Variants in ASXL1 observed in about 807,000 individuals in gnomAD.
ASXL1 encodes the protein ASXL transcriptional regulator 1.
Under a neutral mutation model 89.1 loss-of-function variants are expected in ASXL1, and 65 were observed. That is an observed-to-expected ratio of 0.73 (90% CI 0.60 to 0.90). The LOEUF (loss-of-function observed/expected upper bound fraction) is 0.90, where lower values mean the gene tolerates loss of function less well. Ranked by LOEUF, ASXL1 falls within the 40% of genes least tolerant of loss-of-function variation. ASXL1 has a pLI of 0.00. For synonymous variants in ASXL1, 739 were observed against 746.9 expected, an observed-to-expected ratio of 0.99 and a Z score of 0.17; for missense variants, 1,786 against 1,942.9, an observed-to-expected ratio of 0.92 and a Z score of 1.52.
At chr20:32,384,213 T>G (rs1425959324) in intron 4 of ASXL1, among the ~76,000 whole-genome samples, 2 of 141,672 alleles carry the variant, frequency 1.4e-5, no homozygotes, top group African/African-American at 2.8e-5. Context: ...TTTTTTTTTT[T>G]TTTTTTTTTT....
Position 32,437,544 on chromosome 20 carries a change from T to A in ASXL1, c.*206T>A. ...GAGGGGTTTCCTGGGTATAACCCAT[T>A]GGGCTGCCCAAGGCCAGCCAGCCTG... is the stretch of plus-strand genomic sequence containing the variant. On this transcript the variant is annotated 3_prime_UTR_variant, in exon 13 of 13. Coordinates refer to ENST00000375687, the MANE Select transcript of ASXL1 (RefSeq NM_015338.6). The A allele has an allele frequency of 1.4e-6, 1 of 734,232 alleles. No homozygotes were observed. The highest frequency in any genetic ancestry group is 2.1e-6 in the Non-Finnish European group (1 of 469,932). The allele number at this position is 734,232 out of a possible 1,614,324, so 45.5% of individuals were successfully genotyped here.
chr20:32,366,536 A>G, intron 2 of ASXL1, 70 bp downstream of exon 2: 4 of 1,610,920 alleles, frequency 2.5e-6, no homozygotes, highest in East Asian at 2.2e-5. Flanking sequence ...TTGTAGTGAT[A>G]TGAGTAAGTA....
chr20:32,374,321 C>G (rs987102023), intron 4 of ASXL1, among the ~76,000 whole-genome samples: 15 of 152,078 alleles, frequency 9.9e-5, no homozygotes, highest in Admixed American at 9.2e-4. Context: ...TACAGGGTCT[C>G]GCTCTGTGGC....
chr20:32,425,923 T>C (rs2011266952), intron 4 of ASXL1, among the ~76,000 whole-genome samples: 2 of 152,218 alleles, frequency 1.3e-5, no homozygotes, highest in African/African-American at 4.8e-5. Flanking sequence ...CAGGCTTGTC[T>C]TGAACCCCTG....
Position 32,429,696 on chromosome 20 carries a change from A to T in ASXL1, c.566-205A>T. 1.3e-6 allele frequency: 1 copy of T among 745,828 alleles called. No homozygotes were observed. The highest frequency in any genetic ancestry group is 2.1e-6 in the Non-Finnish European group (1 of 465,920). The allele number at this position is 745,828 out of a possible 1,614,324, so 46.2% of individuals were successfully genotyped here. ...TTTGTAAAAGGTGTAGTGCTATACA[A>T]ATAAAGATGGCAGTTTGGCACCTGT... On this transcript the variant is annotated intron_variant, in intron 7 of 12. Transcript: ENST00000375687. The surrounding 1 kb of genome is among the most constrained non-coding windows in gnomAD (Gnocchi z 4.9).
At chr20:32,406,412 G>A (rs561624418) in intron 4 of ASXL1, among the ~76,000 whole-genome samples, 3 of 151,946 alleles carry the variant, frequency 2.0e-5, no homozygotes, top group Non-Finnish European at 4.4e-5. Context: ...TTAGCCAGGT[G>A]TGGTGGCACA....
intron 4 of ASXL1, among the ~76,000 whole-genome samples, chr20:32,370,886 C>T (rs2048289575): frequency 6.8e-6 from 1 of 147,978 alleles, no homozygotes; most frequent in South Asian, 2.1e-4. Context: ...TGTGGTGGCT[C>T]ATGCCTGTAA....
At chr20:32,362,509 G>A (rs1031967608) in intron 1 of ASXL1, among the ~76,000 whole-genome samples, 1 of 152,204 alleles carries the variant, frequency 6.6e-6, no homozygotes, top group African/African-American at 2.4e-5. Flanking sequence ...GGTGGCGAGT[G>A]CCTGTAGTCC....
chr20:32,434,587 A>AG lies in ASXL1; in HGVS notation c.1879dup (p.Ala627GlyfsTer8). ...TTAAAGCCCGTGCTCTGCAGGTCCG[A>AG]GGGGCGAGAGGTCACCACTGCCATA... On this transcript the variant is annotated frameshift_variant, in exon 13 of 13. Coordinates refer to ENST00000375687, the MANE Select transcript of ASXL1 (RefSeq NM_015338.6). LOFTEE classifies it low-confidence loss of function (END_TRUNC). 2 of 1,613,020 alleles carry AG rather than the reference A, an allele frequency of 1.2e-6. No individual in the cohort carries two copies. Among genetic ancestry groups the AG allele is most frequent in the African/African-American group, 1.3e-5 (1 of 74,976 alleles).
At chr20:32,384,050 C>T (rs1424501684) in intron 4 of ASXL1, among the ~76,000 whole-genome samples, 1 of 152,204 alleles carries the variant, frequency 6.6e-6, no homozygotes, top group East Asian at 1.9e-4. Context: ...GGATATTTTT[C>T]TTTCCTATTT....
rs1041300248 is a variant in ASXL1, at chr20:32,434,862, G to C, written c.2150G>C (p.Arg717Thr). Residue 717 changes from arginine (R) to threonine (T), a missense_variant, in exon 13 of 13, where the codon AGG becomes ACG. Arg to Thr is a moderately conservative substitution (Grantham distance 71). Around this residue, in one of 3 missense-constraint regions of ASXL1, gnomAD observed 1,418 missense variants for 1,427.8 expected, o/e 0.99. Coordinates refer to ENST00000375687, the MANE Select transcript of ASXL1 (RefSeq NM_015338.6). Reference sequence around the variant, plus strand: ...GCCGGAACTGCCATGTCCAGAGCTAGGAGAGAGGACCTGCCTTCTCTGAGA... The same window carrying C: ...GCCGGAACTGCCATGTCCAGAGCTACGAGAGAGGACCTGCCTTCTCTGAGA... ...TQAGTAMSRARREDLPSLRKE... is the reference protein window; with the variant it reads ...TQAGTAMSRATREDLPSLRKE... 1.2e-6 allele frequency: 2 copies of C among 1,614,186 alleles called. No individual in the cohort carries two copies. Among genetic ancestry groups the C allele is most frequent in the Non-Finnish European group, 1.7e-6 (2 of 1,180,036 alleles).
intron 4 of ASXL1, among the ~76,000 whole-genome samples, chr20:32,396,999 A>G (rs13043838): frequency 6.8e-6 from 1 of 147,546 alleles, no homozygotes; most frequent in Non-Finnish European, 1.5e-5. Context: ...TTGCAAAAAA[A>G]AAAAACAAAC....
At chr20:32,431,773 C>G (rs1370523462) in intron 10 of ASXL1, 94 bp downstream of exon 10, 4 of 1,307,454 alleles carry the variant, frequency 3.1e-6, no homozygotes, top group Non-Finnish European at 4.3e-6. Context: ...TCGCTCTTCT[C>G]AAAGGGTTAT....
chr20:32,381,513 C>CTTTT (rs59213941), intron 4 of ASXL1, among the ~76,000 whole-genome samples: 6 of 131,394 alleles, frequency 4.6e-5, no homozygotes, highest in South Asian at 2.4e-4. Context: ...TTACCAAAAT[C>CTTTT]TTTTTTTTTT....
At chr20:32,382,496 C>T (rs2048504234) in intron 4 of ASXL1, among the ~76,000 whole-genome samples, 1 of 151,426 alleles carries the variant, frequency 6.6e-6, no homozygotes, top group African/African-American at 2.4e-5. Flanking sequence ...AGAGGCCAGG[C>T]ACTGTGCCTC....
Position 32,369,021 on chromosome 20 carries a change from T to C in ASXL1, c.150T>C (p.Thr50=). The stretch of plus-strand genomic sequence containing the variant: ...TTCTTTTGTGGTTTTACAGTGGGAC[T>C]TCCCCTCTCGCATGCCTCAATGCTA... The part of the protein sequence containing the change: ...AEGLKEMRSG[T]SPLACLNAML... The change falls in exon 4 of 13, where the codon ACT becomes ACC. Residue 50 remains threonine (T), a synonymous_variant. Coordinates refer to ENST00000375687, the MANE Select transcript of ASXL1 (RefSeq NM_015338.6). 3 of 1,612,954 alleles carry C rather than the reference T, an allele frequency of 1.9e-6. No individual in the cohort carries two copies. Among genetic ancestry groups the C allele is most frequent in the East Asian group, 4.5e-5 (2 of 44,874 alleles).
intron 12 of ASXL1, 139 bp downstream of exon 12, chr20:32,434,056 C>A (rs1032806138): frequency 3.9e-6 from 5 of 1,267,128 alleles, no homozygotes; most frequent in African/African-American, 3.0e-5. Flanking sequence ...TTGCTTGAGA[C>A]AGCCTTCAAG....
At chr20:32,413,324 G>C (rs969070554) in intron 4 of ASXL1, among the ~76,000 whole-genome samples, 2 of 152,196 alleles carry the variant, frequency 1.3e-5, no homozygotes, top group Non-Finnish European at 2.9e-5. Context: ...GAGGGGGATG[G>C]AAATGGAAGG....
At chr20:32,382,624 A>G (rs1465934711) in intron 4 of ASXL1, among the ~76,000 whole-genome samples, 1 of 151,160 alleles carries the variant, frequency 6.6e-6, no homozygotes, top group African/African-American at 2.4e-5. Context: ...AAAAAAAAAA[A>G]AAACAAAACC....
Sources: gnomAD v4.1 joint callset for allele counts (sites outside exome capture counted in the v4.1 genomes callset) on GRCh38, gnomAD v4.1.1 for gene constraint, gnomAD v4.1.1 regional missense constraint, Gnocchi (gnomAD v3.1) non-coding constraint, MANE v1.5 for transcripts, NCBI Gene and HGNC (gene_info 2026-07-23, HGNC 2026-07-21) for gene names.